The following RPS6KA5 variants were observed in gnomAD, a reference collection of about 807,000 sequenced individuals.
RPS6KA5 encodes the protein ribosomal protein S6 kinase A5, also known as ribosomal protein S6 kinase alpha-5.
RPS6KA5 carries 27 observed loss-of-function variants against 85.5 expected under a neutral mutation model. The ratio of observed to expected loss-of-function variants is 0.32; its 90% confidence interval spans 0.23 to 0.44. The LOEUF (loss-of-function observed/expected upper bound fraction) is 0.44, where lower values mean the gene tolerates loss of function less well. Ranked by LOEUF, RPS6KA5 falls within the 20% of genes least tolerant of loss-of-function variation. RPS6KA5 has a pLI of 1.00. For missense variants in RPS6KA5, 811 were observed against 980.9 expected (o/e 0.83, Z 2.31); for synonymous variants, 334 against 348.2 (o/e 0.96, Z 0.46).
At chr14:91,044,392 G>GAAA (rs2042765068) in intron 1 of RPS6KA5, among the ~76,000 whole-genome samples, 43 of 55,186 alleles carry the variant, frequency 7.8e-4, no homozygotes, top group African/African-American at 2.5e-3. Flanking sequence ...AAAGAAAGAA[G>GAAA]GAAAGAAAGA....
chr14:91,049,431 G>A (rs540817390), intron 1 of RPS6KA5, among the ~76,000 whole-genome samples: 5 of 152,164 alleles, frequency 3.3e-5, no homozygotes, highest in South Asian at 2.1e-4. Context: ...TGGCTAACAC[G>A]GTGAAACCCC....
intron 7 of RPS6KA5, among the ~76,000 whole-genome samples, chr14:90,918,783 G>C (rs560915244): frequency 6.6e-6 from 1 of 152,328 alleles, no homozygotes; most frequent in East Asian, 1.9e-4. Context: ...CTTTACAGAA[G>C]TGACTTTGCA....
At chr14:90,948,531 C>T (rs1178273492) in intron 3 of RPS6KA5, among the ~76,000 whole-genome samples, 5 of 152,058 alleles carry the variant, frequency 3.3e-5, no homozygotes, top group African/African-American at 7.2e-5. Context: ...CCCATCTCTA[C>T]TAAAAATACA....
At chr14:91,011,535 G>A (rs920252624) in intron 1 of RPS6KA5, among the ~76,000 whole-genome samples, 2 of 152,110 alleles carry the variant, frequency 1.3e-5, no homozygotes, top group Non-Finnish European at 2.9e-5. Flanking sequence ...TGGGCAATGT[G>A]TTTCTAGCAC....
At chr14:90,984,854 A>G (rs2039989389) in intron 2 of RPS6KA5, among the ~76,000 whole-genome samples, 1 of 152,372 alleles carries the variant, frequency 6.6e-6, no homozygotes, top group South Asian at 2.1e-4. Context: ...TTTTAAGCCA[A>G]GCCAAAGCAG....
At chr14:91,008,171 G>A (rs1277100862) in intron 1 of RPS6KA5, among the ~76,000 whole-genome samples, 3 of 152,220 alleles carry the variant, frequency 2.0e-5, no homozygotes, top group African/African-American at 4.8e-5. Context: ...ATTGCACAGA[G>A]CATGTGCTGA....
intron 3 of RPS6KA5, among the ~76,000 whole-genome samples, chr14:90,974,724 G>C (rs1244130321): frequency 6.6e-6 from 1 of 152,210 alleles, no homozygotes; most frequent in Non-Finnish European, 1.5e-5. Context: ...CCAGACATGA[G>C]AATGAAACCA....
chr14:91,041,854 C>G (rs191411787), intron 1 of RPS6KA5, among the ~76,000 whole-genome samples: 107 of 152,292 alleles, frequency 7.0e-4, no homozygotes, highest in South Asian at 3.1e-3. Context: ...TTTACATATC[C>G]AACCGATTTT....
At chr14:91,052,668 C>CA (rs562901431) in intron 1 of RPS6KA5, among the ~76,000 whole-genome samples, 222 of 97,760 alleles carry the variant, frequency 2.3e-3, no homozygotes, top group Middle Eastern at 6.1e-3. Context: ...ACTAAAAGTA[C>CA]AAAAAAAAAA....
At chr14:91,058,368 C>T (rs574985568) in intron 1 of RPS6KA5, among the ~76,000 whole-genome samples, 1 of 152,314 alleles carries the variant, frequency 6.6e-6, no homozygotes, top group East Asian at 1.9e-4. Flanking sequence ...AAGCAGTACT[C>T]ATTGTTTTCT....
In RPS6KA5 at chr14:90,856,235, C is replaced by T; in HGVS notation, c.*15839G>A. 6.6e-6 allele frequency: 1 copy of T among 152,262 alleles called. No individual in the cohort carries two copies. The highest frequency in any genetic ancestry group is 1.9e-4 in the East Asian group (1 of 5,186). 9.4% of individuals were successfully genotyped at this position (152,262 alleles called of 1,614,324 possible). On this transcript the variant is annotated 3_prime_UTR_variant, in exon 17 of 17. Transcript: ENST00000614987. ...TAATCTCTAGTTAGAAAAGATTTTCCAACCATAACATAACTATGCTTCAGA... is the reference window on the plus strand; with the variant it reads ...TAATCTCTAGTTAGAAAAGATTTTCTAACCATAACATAACTATGCTTCAGA...
At position 90,867,676 on chromosome 14, in the gene RPS6KA5, T is replaced by G. The variant is rs1268559459; in HGVS notation, c.*4398A>C. 6.6e-6 allele frequency: 1 copy of G among 152,212 alleles called. No homozygotes were observed. The highest frequency in any genetic ancestry group is 1.5e-5 in the Non-Finnish European group (1 of 68,026). The allele number at this position is 152,212 out of a possible 1,614,324, so 9.4% of individuals were successfully genotyped here. On this transcript the variant is annotated 3_prime_UTR_variant, in exon 17 of 17. Coordinates refer to ENST00000614987, the MANE Select transcript of RPS6KA5 (RefSeq NM_004755.4). ...CCTTCTAGACACAAAATCCTAGCTT[T>G]TTGTAATGTGGTTAAAAGGAGTAAT...
chr14:91,018,835 C>T (rs2041615298), intron 1 of RPS6KA5, among the ~76,000 whole-genome samples: 1 of 152,034 alleles, frequency 6.6e-6, no homozygotes, highest in Non-Finnish European at 1.5e-5. Context: ...GCCAGTTCTC[C>T]CTAATGAACT....
intron 2 of RPS6KA5, among the ~76,000 whole-genome samples, chr14:90,979,508 A>G (rs1167507541): frequency 6.6e-6 from 1 of 152,204 alleles, no homozygotes; most frequent in Admixed American, 6.5e-5. Context: ...GGCCCAGATC[A>G]ATATTCACAC....
chr14:90,862,662 C>T lies in RPS6KA5; in HGVS notation c.*9412G>A, dbSNP rs574395172. On this transcript the variant is annotated 3_prime_UTR_variant, in exon 17 of 17. Coordinates refer to ENST00000614987, the MANE Select transcript of RPS6KA5 (RefSeq NM_004755.4). ...AATCTTTTGTAGAGATGAGGTCTCTCTATGTTGCCCAGGCTGGTCTCCAAC... is the reference window on the plus strand; with the variant it reads ...AATCTTTTGTAGAGATGAGGTCTCTTTATGTTGCCCAGGCTGGTCTCCAAC... The T allele has an allele frequency of 1.3e-5, 2 of 152,266 alleles. No individual in the cohort carries two copies. The highest frequency in any genetic ancestry group is 6.5e-5 in the Admixed American group (1 of 15,288). The allele number at this position is 152,266 out of a possible 1,614,324, so 9.4% of individuals were successfully genotyped here.
At chr14:90,899,868 G>A (rs542381826) in intron 11 of RPS6KA5, among the ~76,000 whole-genome samples, 4 of 152,240 alleles carry the variant, frequency 2.6e-5, no homozygotes, top group African/African-American at 7.2e-5. Context: ...TCACAAAGAC[G>A]TTTTCTCTAG....
At chr14:90,895,264 T>G (rs1389612465) in intron 12 of RPS6KA5, among the ~76,000 whole-genome samples, 1 of 152,004 alleles carries the variant, frequency 6.6e-6, no homozygotes, top group Non-Finnish European at 1.5e-5. Flanking sequence ...CCCAGCACTT[T>G]GGGAGGCTGA....
chr14:90,918,832 T>C (rs2036255277), intron 7 of RPS6KA5, among the ~76,000 whole-genome samples: 1 of 152,242 alleles, frequency 6.6e-6, no homozygotes, highest in South Asian at 2.1e-4. Flanking sequence ...CATTTGTCTA[T>C]CCTGACACCA....
chr14:90,988,215 C>T (rs1312551385), intron 2 of RPS6KA5, among the ~76,000 whole-genome samples: 6 of 152,168 alleles, frequency 3.9e-5, no homozygotes, highest in Admixed American at 1.3e-4. Flanking sequence ...CTATTTACTG[C>T]AGGACACATT....
Sources: gnomAD v4.1 joint callset for allele counts (sites outside exome capture counted in the v4.1 genomes callset) on GRCh38, gnomAD v4.1.1 for gene constraint, MANE v1.5 for transcripts, NCBI Gene and HGNC (gene_info 2026-07-23, HGNC 2026-07-21) for gene names.